Variants in FAM110B observed in about 807,000 individuals in gnomAD.
FAM110B encodes family with sequence similarity 110 member B.
FAM110B carries 6 observed loss-of-function variants against 20.4 expected under a neutral mutation model. The observed-to-expected ratio is 0.29, with a 90% CI of 0.16 to 0.58. The LOEUF is 0.58. FAM110B is among the 20% of genes least tolerant of loss of function. The probability of loss-of-function intolerance (pLI) is 0.90; values close to 1 mark genes in which losing one functional copy is unlikely to be tolerated. For synonymous variants in FAM110B, 226 were observed against 214.1 expected (o/e 1.06, Z -0.49); for missense variants, 434 against 498.2 (o/e 0.87, Z 1.23).
rs548056303 is a variant in FAM110B at position 58,017,499 on chromosome 8, G to T, written c.-511-14107G>T. 1.4e-3 allele frequency among the ~76,000 whole-genome samples: 212 copies of T among 152,316 alleles called. 3 individuals carry two copies. The highest frequency in any genetic ancestry group is 4.9e-3 in the African/African-American group (205 of 41,572). On this transcript the variant is annotated intron_variant, in intron 1 of 3. Coordinates refer to ENST00000519262, the MANE Select transcript of FAM110B (RefSeq NM_001377989.1). Reference sequence around the variant, plus strand: ...AGGTACTCTTTACTATTGGTGAAGTGGAGAGCTTAGCTTTGCTCTCAACTT... The same window carrying T: ...AGGTACTCTTTACTATTGGTGAAGTTGAGAGCTTAGCTTTGCTCTCAACTT...
intron 3 of FAM110B, among the ~76,000 whole-genome samples, chr8:58,112,308 G>A (rs185784720): frequency 2.0e-5 from 3 of 152,290 alleles, no homozygotes; most frequent in Non-Finnish European, 4.4e-5. Context: ...CAGCCTGGGT[G>A]ACAGAGTAAG....
intron 2 of FAM110B, among the ~76,000 whole-genome samples, chr8:58,047,844 G>T (rs1054477158): frequency 6.6e-6 from 1 of 151,970 alleles, no homozygotes; most frequent in African/African-American, 2.4e-5. Context: ...GCTTCTTTAT[G>T]TAGGAGTTAG....
rs1272704556 is a variant in FAM110B, at chr8:58,096,185, CT to C, written c.-325+20570del. Among the ~76,000 whole-genome samples the C allele has an allele frequency of 2.6e-5, 4 of 151,872 alleles. No individual in the cohort carries two copies. The South Asian group carries it at 8.3e-4, about 32-fold the overall frequency. ...GTACAGCATACCAATGGTCTTGACTCTTTTTTTTGAGACAGAGTTTTGCTCT... is the reference window on the plus strand; with the variant it reads ...GTACAGCATACCAATGGTCTTGACTCTTTTTTTGAGACAGAGTTTTGCTCT... On this transcript the variant is annotated intron_variant, in intron 3 of 3. Coordinates refer to ENST00000519262, the MANE Select transcript of FAM110B (RefSeq NM_001377989.1).
intron 3 of FAM110B, among the ~76,000 whole-genome samples, chr8:58,139,112 T>A (rs1803685953): frequency 6.6e-6 from 1 of 152,208 alleles, no homozygotes; most frequent in Admixed American, 6.5e-5. Flanking sequence ...CTTTATTAAA[T>A]AACATTGGAA....
At chr8:58,003,048 C>A (rs1457117113) in intron 1 of FAM110B, among the ~76,000 whole-genome samples, 1 of 152,186 alleles carries the variant, frequency 6.6e-6, no homozygotes, top group Non-Finnish European at 1.5e-5. Flanking sequence ...CTTCTCAAAC[C>A]CTGCCACTGT....
intron 2 of FAM110B, among the ~76,000 whole-genome samples, chr8:58,050,959 G>T (rs1805428420): frequency 6.6e-6 from 1 of 152,212 alleles, no homozygotes. Context: ...ACTTTGAGAT[G>T]CTGAAGACCG....
At chr8:58,014,471 T>G (rs966014780) in intron 1 of FAM110B, among the ~76,000 whole-genome samples, 1 of 152,186 alleles carries the variant, frequency 6.6e-6, no homozygotes, top group Admixed American at 6.6e-5. Context: ...ATCTGAAAAG[T>G]GTGTAGTGCT....
chr8:58,054,927 A>T (rs1215822909), intron 2 of FAM110B, among the ~76,000 whole-genome samples: 2 of 143,038 alleles, frequency 1.4e-5, no homozygotes, highest in African/African-American at 5.0e-5. Flanking sequence ...CTTTTTTTTT[A>T]ACCTGATATT....
At chr8:58,112,904 C>T (rs1158332867) in intron 3 of FAM110B, among the ~76,000 whole-genome samples, 3 of 152,154 alleles carry the variant, frequency 2.0e-5, no homozygotes, top group Non-Finnish European at 4.4e-5. Flanking sequence ...GCTTAAACTA[C>T]AGACATTTAT....
intron 3 of FAM110B, among the ~76,000 whole-genome samples, chr8:58,101,221 T>A (rs767503388): frequency 2.4e-4 from 36 of 152,124 alleles, no homozygotes; most frequent in Non-Finnish European, 5.0e-4. Context: ...TATTTACTGA[T>A]TTTACAATAA....
chr8:58,117,950 A>C, intron 3 of FAM110B, among the ~76,000 whole-genome samples: 1 of 152,244 alleles, frequency 6.6e-6, no homozygotes, highest in Non-Finnish European at 1.5e-5. Context: ...AATTAAAATT[A>C]AGAAGTATCT....
intron 2 of FAM110B, among the ~76,000 whole-genome samples, chr8:58,059,654 T>C (rs1805617145): frequency 6.6e-6 from 1 of 151,894 alleles, no homozygotes; most frequent in Admixed American, 6.5e-5. Context: ...AAAGTCATTT[T>C]TCAAGTATGT....
intron 1 of FAM110B, among the ~76,000 whole-genome samples, chr8:58,013,674 G>A (rs887731675): frequency 1.3e-5 from 2 of 152,160 alleles, no homozygotes; most frequent in Admixed American, 6.5e-5. Context: ...TGCTGAAGCC[G>A]AGATATTTTT....
At position 58,072,256 on chromosome 8, in the gene FAM110B, G is replaced by A. The variant is rs75667704; in HGVS notation, c.-413-3279G>A. Among the ~76,000 whole-genome samples, 171 of 152,322 alleles carry A rather than the reference G, an allele frequency of 1.1e-3. 5 individuals carry two copies. The East Asian group carries it at 0.03, about 27-fold the overall frequency. ...AAACATTGTCTAGAGTTCCTTTTGG[G>A]CAGAGCCCCTTTGAGGTGTGTGTCA... On this transcript the variant is annotated intron_variant, in intron 2 of 3. Transcript: ENST00000519262.
intron 1 of FAM110B, among the ~76,000 whole-genome samples, chr8:58,019,959 G>C (rs1032670031): frequency 7.9e-5 from 12 of 151,028 alleles, no homozygotes; most frequent in African/African-American, 2.7e-4. Context: ...CTAATTGCCC[G>C]TATATTTTAT....
At chr8:58,028,664 T>G (rs1804901462) in intron 1 of FAM110B, among the ~76,000 whole-genome samples, 1 of 152,224 alleles carries the variant, frequency 6.6e-6, no homozygotes, top group African/African-American at 2.4e-5. Flanking sequence ...GAAAATATTT[T>G]GTTGCTTTCA....
intron 3 of FAM110B, among the ~76,000 whole-genome samples, chr8:58,084,834 G>T (rs775024232): frequency 1.3e-5 from 2 of 152,134 alleles, no homozygotes; most frequent in Non-Finnish European, 2.9e-5. Context: ...GCTGTCAGGT[G>T]CCAGCAGGGA....
intron 1 of FAM110B, among the ~76,000 whole-genome samples, chr8:58,000,826 T>TA (rs1209921948): frequency 6.6e-6 from 1 of 152,104 alleles, no homozygotes; most frequent in African/African-American, 2.4e-5. Context: ...GTTGGGGATT[T>TA]AAAAAAAATT....
At chr8:58,026,696 T>A (rs761748747) in intron 1 of FAM110B, among the ~76,000 whole-genome samples, 9 of 152,142 alleles carry the variant, frequency 5.9e-5, no homozygotes, top group Non-Finnish European at 1.3e-4. Flanking sequence ...CTAACTATGG[T>A]GAAAACAGCG....
Sources: allele counts gnomAD v4.1 joint callset (sites outside exome capture counted in the v4.1 genomes callset), GRCh38; gene constraint gnomAD v4.1.1; transcripts MANE v1.5; gene names NCBI Gene and HGNC (gene_info 2026-07-23, HGNC 2026-07-21).